Variants in PDE3A observed in about 807,000 individuals in gnomAD.
The protein encoded by PDE3A is phosphodiesterase 3A.
PDE3A carries 43 observed loss-of-function variants against 98.3 expected under a neutral mutation model. The ratio of observed to expected loss-of-function variants is 0.44; its 90% confidence interval spans 0.34 to 0.56. PDE3A has a LOEUF of 0.56. Among genes scored for constraint, PDE3A ranks in the 20% least tolerant of loss-of-function variants. PDE3A has a pLI of 0.01. For missense variants in PDE3A, 1,427 were observed against 1,440.7 expected, an observed-to-expected ratio of 0.99 and a Z score of 0.15; for synonymous variants, 663 against 567.9, an observed-to-expected ratio of 1.17 and a Z score of -2.38.
At chr12:20,595,554 G>A (rs1943445812) in intron 2 of PDE3A, among the ~76,000 whole-genome samples, 1 of 152,164 alleles carries the variant, frequency 6.6e-6, no homozygotes, top group Admixed American at 6.5e-5. Context: ...TGGTCCAGCA[G>A]CCACAAGACA....
chr12:20,482,352 A>T (rs1384388456), intron 1 of PDE3A, among the ~76,000 whole-genome samples: 1 of 151,940 alleles, frequency 6.6e-6, no homozygotes, highest in Non-Finnish European at 1.5e-5. Flanking sequence ...AAATTCCCTC[A>T]TTTCTATAAG....
At chr12:20,378,324 A>G (rs1211176042) in intron 1 of PDE3A, among the ~76,000 whole-genome samples, 1 of 151,744 alleles carries the variant, frequency 6.6e-6, no homozygotes, top group Non-Finnish European at 1.5e-5. Flanking sequence ...TTCGTTAACA[A>G]TAGCCGTAAT....
At position 20,558,590 on chromosome 12, in the gene PDE3A, C is replaced by T. The variant is rs1255236616; in HGVS notation, c.1011+1880C>T. Among the ~76,000 whole-genome samples, 4 of 151,218 alleles carry T rather than the reference C, an allele frequency of 2.6e-5. No homozygotes were observed. The East Asian group carries it at 5.8e-4, about 22-fold the overall frequency. ...GAACAATAAGAACCATAGCAAAAAA[C>T]ATTAAAAAGAAAGAGAATTTCCAAA... On this transcript the variant is annotated intron_variant, in intron 2 of 15. Transcript: ENST00000359062.
intron 2 of PDE3A, among the ~76,000 whole-genome samples, chr12:20,604,974 G>C (rs1943676054): frequency 6.6e-6 from 1 of 152,162 alleles, no homozygotes; most frequent in Non-Finnish European, 1.5e-5. Context: ...CTTTAGGTGT[G>C]TTGTGATTTT....
intron 2 of PDE3A, among the ~76,000 whole-genome samples, chr12:20,602,663 C>T (rs1277851358): frequency 6.6e-6 from 1 of 152,110 alleles, no homozygotes; most frequent in African/African-American, 2.4e-5. Flanking sequence ...TGATGAAGGG[C>T]CCTATAGGTT....
intron 1 of PDE3A, among the ~76,000 whole-genome samples, chr12:20,483,173 G>C (rs1945663032): frequency 1.3e-5 from 2 of 152,046 alleles, no homozygotes; most frequent in African/African-American, 4.8e-5. Flanking sequence ...GGCGGATCGC[G>C]AGGTCAGGAT....
At chr12:20,672,051 C>CAAT (rs1387557887) in intron 15 of PDE3A, among the ~76,000 whole-genome samples, 1 of 151,604 alleles carries the variant, frequency 6.6e-6, no homozygotes, top group African/African-American at 2.4e-5. Context: ...TCTTATACAC[C>CAAT]AACAGACAAA....
intron 1 of PDE3A, among the ~76,000 whole-genome samples, chr12:20,478,632 T>C (rs1945570315): frequency 6.6e-6 from 1 of 152,248 alleles, no homozygotes; most frequent in Non-Finnish European, 1.5e-5. Context: ...AAATGTTTAC[T>C]GTAAATGTAA....
intron 1 of PDE3A, among the ~76,000 whole-genome samples, chr12:20,555,843 A>C (rs1444423777): frequency 1.3e-5 from 2 of 152,182 alleles, no homozygotes; most frequent in Non-Finnish European, 2.9e-5. Flanking sequence ...GTTTGTTGTT[A>C]AGTCTACTTA....
At position 20,552,836 on chromosome 12, in the gene PDE3A, C is replaced by A; in HGVS notation, c.961-3824C>A. 1 of 1,613,944 alleles carries A rather than the reference C, an allele frequency of 6.2e-7. No individual in the cohort carries two copies. Among genetic ancestry groups the A allele is most frequent in the South Asian group, 1.1e-5 (1 of 91,058 alleles). On this transcript the variant is annotated intron_variant, in intron 1 of 15. Coordinates refer to ENST00000359062, the MANE Select transcript of PDE3A (RefSeq NM_000921.5). The surrounding 1 kb of genome is among the most constrained non-coding windows in gnomAD (Gnocchi z 5.1). ...CAGGAGCTGGTGTTCCGGCCCATCA[C>A]GACCGTGTGCCAGCACAACGTGTGC...
At chr12:20,468,431 A>G (rs1256912582) in intron 1 of PDE3A, among the ~76,000 whole-genome samples, 1 of 152,212 alleles carries the variant, frequency 6.6e-6, no homozygotes, top group Non-Finnish European at 1.5e-5. Context: ...TGAGGGATCT[A>G]TAAGACTGAT....
intron 2 of PDE3A, among the ~76,000 whole-genome samples, chr12:20,608,105 T>C (rs944844975): frequency 6.6e-6 from 1 of 152,140 alleles, no homozygotes; most frequent in Non-Finnish European, 1.5e-5. Context: ...ATCCTAGACA[T>C]ACCCATCCTT....
chr12:20,446,926 G>A lies in PDE3A; in HGVS notation c.960+76682G>A, dbSNP rs536280568. On this transcript the variant is annotated intron_variant, in intron 1 of 15. Transcript: ENST00000359062. The stretch of plus-strand genomic sequence containing the variant: ...AGTCCAAGGAGAAAAAACAGCAAGC[G>A]TAAATCTCACAGGTGAGGGTGCATC... Among the ~76,000 whole-genome samples, 6 of 152,272 alleles carry A rather than the reference G, an allele frequency of 3.9e-5. No individual in the cohort carries two copies. In the East Asian group the frequency reaches 5.8e-4, roughly 15 times the overall value.
intron 1 of PDE3A, among the ~76,000 whole-genome samples, chr12:20,556,422 C>G (rs1055383127): frequency 3.3e-5 from 5 of 152,034 alleles, no homozygotes; most frequent in African/African-American, 1.2e-4. Context: ...CAGAGCTACA[C>G]AGTAGCTTCT....
In PDE3A at chr12:20,634,965, T is replaced by C. The variant is rs1161415663; in HGVS notation, c.1910T>C (p.Val637Ala). The C allele has an allele frequency of 6.2e-7, 1 of 1,611,866 alleles. No individual in the cohort carries two copies. Among genetic ancestry groups the C allele is most frequent in the Admixed American group, 1.7e-5 (1 of 60,008 alleles). Residue 637 changes from valine to alanine, a missense_variant, in exon 8 of 16, where the codon GTA (valine) becomes GCA (alanine). Val to Ala is a moderately conservative substitution (Grantham distance 64). This residue lies in a region of PDE3A where 1,012 missense variants were observed against 886.5 expected (regional missense o/e 1.14). Coordinates refer to ENST00000359062, the MANE Select transcript of PDE3A (RefSeq NM_000921.5). ...TNNNSDSSDI[V>A]QNEDETECLR... ...AACAACAGTGACAGCAGTGACATTGTACAGAATGAAGATGAAACAGAGTGC... is the reference window on the plus strand; with the variant it reads ...AACAACAGTGACAGCAGTGACATTGCACAGAATGAAGATGAAACAGAGTGC...
At chr12:20,613,773 C>A in intron 3 of PDE3A, 73 bp downstream of exon 3, 2 of 1,119,570 alleles carry the variant, frequency 1.8e-6, no homozygotes, top group Non-Finnish European at 2.6e-6. Flanking sequence ...TCCTTCCTGT[C>A]ACCTCAACTC....
At chr12:20,436,256 A>G (rs993839537) in intron 1 of PDE3A, among the ~76,000 whole-genome samples, 2 of 152,164 alleles carry the variant, frequency 1.3e-5, no homozygotes, top group Non-Finnish European at 2.9e-5. Flanking sequence ...TACAGCTTCA[A>G]TGACAGCAGC....
Position 20,369,377 on chromosome 12 carries a change from T to C in PDE3A, c.93T>C (p.His31=). Residue 31 remains histidine, a synonymous_variant, in exon 1 of 16, where the codon CAT becomes CAC. Transcript: ENST00000359062. ...QAPTAGRDCH[H]RADPASPRDS... is the part of the protein sequence containing the mutation. Reference sequence around the variant, plus strand: ...CCACGGCGGGCCGGGACTGCCACCATCGTGCGGACCCCGCATCGCCGCGGG... The same window carrying C: ...CCACGGCGGGCCGGGACTGCCACCACCGTGCGGACCCCGCATCGCCGCGGG... The C allele has an allele frequency of 1.3e-6, 2 of 1,550,034 alleles. No individual in the cohort carries two copies. The highest frequency in any genetic ancestry group is 2.4e-5 in the East Asian group (1 of 40,936).
At chr12:20,558,973 A>G (rs1565588915) in intron 2 of PDE3A, among the ~76,000 whole-genome samples, 1 of 152,168 alleles carries the variant, frequency 6.6e-6, no homozygotes, top group African/African-American at 2.4e-5. Context: ...AAAGACAAGT[A>G]TACTGCTTTC....
Sources: allele counts gnomAD v4.1 joint callset (sites outside exome capture counted in the v4.1 genomes callset), GRCh38; gene constraint gnomAD v4.1.1; regional missense constraint gnomAD v4.1.1; non-coding constraint Gnocchi (gnomAD v3.1); transcripts MANE v1.5; gene names NCBI Gene and HGNC (gene_info 2026-07-23, HGNC 2026-07-21).